The following FBXL13 variants were observed in gnomAD, a reference collection of about 807,000 sequenced individuals.
FBXL13 encodes F-box and leucine rich repeat protein 13.
A neutral mutation model predicts 83.6 loss-of-function variants in FBXL13; 67 were observed. The ratio of observed to expected loss-of-function variants is 0.80; its 90% CI spans 0.66 to 0.98. The LOEUF is 0.98. Ranked by LOEUF, FBXL13 falls within the 50% of genes least tolerant of loss-of-function variation. The pLI, the probability that FBXL13 is intolerant of heterozygous loss-of-function variation, is 0.00. For synonymous variants in FBXL13, 272 were observed against 299.5 expected (o/e 0.91, Z 0.95); for missense variants, 822 against 866.5 (o/e 0.95, Z 0.64).
chr7:102,944,163 T>A (rs1208271474), intron 8 of FBXL13: 1 of 1,479,768 alleles, frequency 6.8e-7, no homozygotes, highest in Admixed American at 2.1e-5. Flanking sequence ...TGCCATACAC[T>A]GTATTAACTC....
At chr7:102,910,833 G>C (rs1419503947) in intron 11 of FBXL13, among the ~76,000 whole-genome samples, 1 of 152,120 alleles carries the variant, frequency 6.6e-6, no homozygotes, top group Non-Finnish European at 1.5e-5. Flanking sequence ...ATCACAGCTC[G>C]CTGCAGCCTC....
rs1457225284 is a variant in FBXL13 at position 102,883,299 on chromosome 7, C to T, written c.1388+6G>A. ...TTCTTGAATATATTACTGAATGACT[C>T]ATTACCTTACACAATTTGCCAAATT... On this transcript the variant is annotated splice_donor_region_variant and intron_variant, in intron 14 of 19. Transcript: ENST00000313221. The T allele has an allele frequency of 6.2e-7, 1 of 1,608,582 alleles. No individual in the cohort carries two copies. The highest frequency in any genetic ancestry group is 2.2e-5 in the East Asian group (1 of 44,816).
At chr7:102,834,094 G>GGAAGGAAGGAAGGAAGGA (rs1261823399) in intron 17 of FBXL13, among the ~76,000 whole-genome samples, 16 of 86,728 alleles carry the variant, frequency 1.8e-4, no homozygotes, top group East Asian at 3.1e-4. Flanking sequence ...AGAAAAGAAA[G>GGAAGGAAGGAAGGAAGGA]AAAGAAAGAA....
chr7:103,018,118 C>T (rs1012958627), intron 6 of FBXL13, among the ~76,000 whole-genome samples: 2 of 152,176 alleles, frequency 1.3e-5, no homozygotes, highest in East Asian at 1.9e-4. Context: ...AGAATAACAG[C>T]GGATCTCTTG....
intron 8 of FBXL13, among the ~76,000 whole-genome samples, chr7:102,959,015 C>A (rs1428839280): frequency 6.6e-6 from 1 of 151,864 alleles, no homozygotes; most frequent in Non-Finnish European, 1.5e-5. Flanking sequence ...CAAAAAAGGT[C>A]CTAAACAATG....
intron 10 of FBXL13, among the ~76,000 whole-genome samples, chr7:102,916,117 G>C (rs2129469567): frequency 6.6e-6 from 1 of 152,024 alleles, no homozygotes; most frequent in African/African-American, 2.4e-5. Context: ...CCAAGTAGCT[G>C]GGATTACAGG....
intron 17 of FBXL13, chr7:102,834,511 T>A (rs559699321): frequency 1.3e-5 from 2 of 149,936 alleles, no homozygotes; most frequent in Non-Finnish European, 3.0e-5. Flanking sequence ...ATTCTCTAGC[T>A]ATCTCTAAGA....
chr7:103,023,267 C>T (rs1484452734), intron 6 of FBXL13, among the ~76,000 whole-genome samples: 1 of 151,958 alleles, frequency 6.6e-6, no homozygotes, highest in East Asian at 1.9e-4. Context: ...CAGAATGAGA[C>T]TCCGTCTCAA....
At chr7:103,007,094 T>A (rs1791070229) in intron 6 of FBXL13, among the ~76,000 whole-genome samples, 1 of 152,120 alleles carries the variant, frequency 6.6e-6, no homozygotes, top group African/African-American at 2.4e-5. Flanking sequence ...CAATGACCTA[T>A]GGGACAATAT....
chr7:103,019,882 T>C (rs1317802760), intron 6 of FBXL13, among the ~76,000 whole-genome samples: 1 of 152,230 alleles, frequency 6.6e-6, no homozygotes, highest in East Asian at 1.9e-4. Context: ...CACAGCCGAA[T>C]TCTACCAGAG....
At chr7:102,856,598 T>C (rs1806085409) in intron 16 of FBXL13, among the ~76,000 whole-genome samples, 1 of 152,224 alleles carries the variant, frequency 6.6e-6, no homozygotes, top group African/African-American at 2.4e-5. Context: ...TAAAACAGAA[T>C]GTCATGTCTC....
At chr7:102,969,248 T>C (rs948780557) in intron 6 of FBXL13, among the ~76,000 whole-genome samples, 1 of 152,200 alleles carries the variant, frequency 6.6e-6, no homozygotes, top group African/African-American at 2.4e-5. Flanking sequence ...TGTTTAAATA[T>C]ATACTTATCA....
At chr7:103,008,807 C>T (rs1791265469) in intron 6 of FBXL13, among the ~76,000 whole-genome samples, 1 of 152,184 alleles carries the variant, frequency 6.6e-6, no homozygotes, top group Non-Finnish European at 1.5e-5. Context: ...ATCTGCCCAC[C>T]TCGGCCTCCC....
At chr7:102,966,889 C>A (rs918837438) in intron 7 of FBXL13, among the ~76,000 whole-genome samples, 5 of 152,180 alleles carry the variant, frequency 3.3e-5, no homozygotes, top group African/African-American at 1.2e-4. Context: ...TCAGCCCTGG[C>A]CACTCCAAAA....
chr7:102,976,193 C>T (rs768845141), intron 6 of FBXL13: 25 of 763,928 alleles, frequency 3.3e-5, no homozygotes, highest in East Asian at 9.7e-5. Flanking sequence ...CAACTACCAT[C>T]GCTTCATCTG....
At chr7:102,934,002 T>A (rs776421852) in intron 8 of FBXL13, 17 of 1,613,924 alleles carry the variant, frequency 1.1e-5, no homozygotes, top group Non-Finnish European at 1.4e-5. Flanking sequence ...AGAAGCCGAG[T>A]GAATCATGGC....
chr7:102,921,432 C>T (rs1031888185), intron 10 of FBXL13, among the ~76,000 whole-genome samples: 1 of 152,098 alleles, frequency 6.6e-6, no homozygotes, highest in Non-Finnish European at 1.5e-5. Context: ...GTAATCCCAG[C>T]ACTTTGGGAG....
At chr7:103,067,374 T>G (rs1798503917) in intron 1 of FBXL13, among the ~76,000 whole-genome samples, 1 of 152,214 alleles carries the variant, frequency 6.6e-6, no homozygotes, top group African/African-American at 2.4e-5. Flanking sequence ...TAAAAGCATG[T>G]CTGCAAATGA....
chr7:102,869,601 T>C (rs1171416653), intron 16 of FBXL13, among the ~76,000 whole-genome samples: 1 of 152,208 alleles, frequency 6.6e-6, no homozygotes, highest in Non-Finnish European at 1.5e-5. Flanking sequence ...AATAGTTTCA[T>C]ATTTCTGGCT....
Sources: gnomAD v4.1 joint callset for allele counts (sites outside exome capture counted in the v4.1 genomes callset) on GRCh38, gnomAD v4.1.1 for gene constraint, MANE v1.5 for transcripts, NCBI Gene and HGNC (gene_info 2026-07-23, HGNC 2026-07-21) for gene names.